The following TDRD9 variants were observed in gnomAD, a reference collection of about 807,000 sequenced individuals.
The protein encoded by TDRD9 is ATP-dependent RNA helicase TDRD9.
Under a neutral mutation model 172.6 loss-of-function variants are expected in TDRD9, and 124 were observed. The observed-to-expected ratio is 0.72, with a 90% confidence interval of 0.62 to 0.83. The LOEUF (loss-of-function observed/expected upper bound fraction) is 0.83. TDRD9 is among the 40% of genes least tolerant of loss of function. TDRD9 has a pLI of 0.00. For missense variants in TDRD9, 1,479 were observed against 1,714.1 expected (o/e 0.86, Z 2.42); for synonymous variants, 619 against 617.1 (o/e 1.00, Z -0.05).
intron 1 of TDRD9, among the ~76,000 whole-genome samples, chr14:103,936,014 T>C (rs1225256503): frequency 6.6e-6 from 1 of 151,928 alleles, no homozygotes; most frequent in African/African-American, 2.4e-5. Context: ...GGGCATTTGG[T>C]GAGTAGATAA....
intron 20 of TDRD9, 57 bp from the exon 21 acceptor site, chr14:104,014,668 A>G: frequency 1.0e-6 from 1 of 976,096 alleles, no homozygotes; most frequent in Non-Finnish European, 1.6e-6. Context: ...TAGTGTTTTC[A>G]CTGCTCTGAT....
chr14:103,983,614 AG>A (rs2033564164), intron 7 of TDRD9, among the ~76,000 whole-genome samples: 1 of 152,242 alleles, frequency 6.6e-6, no homozygotes, highest in African/African-American at 2.4e-5. Flanking sequence ...TCAGAAATTT[AG>A]AGACATCTGT....
intron 29 of TDRD9, among the ~76,000 whole-genome samples, chr14:104,031,748 C>G (rs778139194): frequency 1.4e-5 from 2 of 147,224 alleles, no homozygotes; most frequent in Admixed American, 6.8e-5. Context: ...AGTATTTTCA[C>G]TAAATTGTCA....
chr14:103,960,152 T>G (rs2032440471), intron 2 of TDRD9, among the ~76,000 whole-genome samples: 1 of 152,254 alleles, frequency 6.6e-6, no homozygotes. Flanking sequence ...GAAGATTTAA[T>G]TTTATGGTTA....
intron 1 of TDRD9, chr14:103,941,058 T>C: frequency 6.5e-7 from 1 of 1,535,358 alleles, no homozygotes; most frequent in Non-Finnish European, 8.7e-7. Flanking sequence ...AGATGTAGAC[T>C]ATTTCCCATG....
At chr14:104,049,515 G>A in intron 34 of TDRD9, 93 bp from the exon 35 acceptor site, 1 of 968,606 alleles carries the variant, frequency 1.0e-6, no homozygotes, top group Non-Finnish European at 1.5e-6. Context: ...AATTCTGTGG[G>A]AAGCATATAG....
At chr14:103,961,969 G>T (rs909262413) in intron 2 of TDRD9, among the ~76,000 whole-genome samples, 5 of 152,148 alleles carry the variant, frequency 3.3e-5, no homozygotes, top group Non-Finnish European at 7.4e-5. Context: ...AATGAGTGCG[G>T]TGCTAAATTT....
chr14:103,956,780 A>G (rs1383481164), intron 2 of TDRD9, among the ~76,000 whole-genome samples: 1 of 152,186 alleles, frequency 6.6e-6, no homozygotes, highest in Admixed American at 6.5e-5. Context: ...AACTGTTCAG[A>G]GTTCACCGTT....
chr14:103,987,123 T>TACACACACACAC (rs143714763), intron 8 of TDRD9, among the ~76,000 whole-genome samples: 7 of 145,686 alleles, frequency 4.8e-5, no homozygotes, highest in Non-Finnish European at 9.1e-5. Context: ...AAAAAATATA[T>TACACACACACAC]ACACACACAC....
chr14:103,935,459 A>G (rs146625653), intron 1 of TDRD9, among the ~76,000 whole-genome samples: 2 of 152,324 alleles, frequency 1.3e-5, no homozygotes, highest in East Asian at 3.9e-4. Context: ...CAGGTAAGGA[A>G]GGCGAGACTG....
rs1367458092 is a variant in TDRD9 at position 103,980,166 on chromosome 14, A to G, written c.1011+4613A>G. The stretch of plus-strand genomic sequence containing the variant: ...TTTTCTCCCCGTGTGCAGAGATGAG[A>G]GATTGTAGAAATAAAGACACAAGAC... On this transcript the variant is annotated intron_variant, in intron 7 of 35. Coordinates refer to ENST00000409874, the MANE Select transcript of TDRD9 (RefSeq NM_153046.3). The surrounding 1 kb of genome is among the most constrained non-coding windows in gnomAD (Gnocchi z 4.5). 6.6e-6 allele frequency among the ~76,000 whole-genome samples: 1 copy of G among 152,048 alleles called. No individual in the cohort carries two copies. The highest frequency in any genetic ancestry group is 2.4e-5 in the African/African-American group (1 of 41,384).
rs147310560 is a variant in TDRD9, at chr14:103,948,994, A to G, written c.216-6670A>G. 1.1e-3 allele frequency among the ~76,000 whole-genome samples: 170 copies of G among 152,084 alleles called. 1 individual carries two copies. The highest frequency in any genetic ancestry group is 4.0e-3 in the African/African-American group (165 of 41,502). Reference sequence around the variant, plus strand: ...TCATAGGGCCAGAAAGTAGAATGGTATTTGTTGGTGGCTAGGAATAGAGGG... The same window carrying G: ...TCATAGGGCCAGAAAGTAGAATGGTGTTTGTTGGTGGCTAGGAATAGAGGG... On this transcript the variant is annotated intron_variant, in intron 1 of 35. Coordinates refer to ENST00000409874, the MANE Select transcript of TDRD9 (RefSeq NM_153046.3).
intron 8 of TDRD9, among the ~76,000 whole-genome samples, chr14:103,988,471 G>A (rs1223084699): frequency 6.6e-6 from 1 of 152,054 alleles, no homozygotes; most frequent in Non-Finnish European, 1.5e-5. Context: ...CGCCTGGCCT[G>A]TATTTTTAAA....
chr14:103,928,680 G>T lies in TDRD9; in HGVS notation c.171G>T (p.Pro57=). The T allele has an allele frequency of 8.2e-7, 1 of 1,220,678 alleles. No individual in the cohort carries two copies. Among genetic ancestry groups the T allele is most frequent in the African/African-American group, 1.6e-5 (1 of 62,702 alleles). The allele number at this position is 1,220,678 out of a possible 1,614,324, so 75.6% of individuals were successfully genotyped here. The change falls in exon 1 of 36, where the codon CCG becomes CCT. Residue 57 remains proline, a synonymous_variant. Coordinates refer to ENST00000409874, the MANE Select transcript of TDRD9 (RefSeq NM_153046.3). ...APGAGPAAQA[P]ALAQAPARPA... Reference sequence around the variant, plus strand: ...GCGCTGGTCCCGCGGCCCAGGCTCCGGCTCTGGCCCAAGCTCCGGCCCGGC... The same window carrying T: ...GCGCTGGTCCCGCGGCCCAGGCTCCTGCTCTGGCCCAAGCTCCGGCCCGGC...
intron 1 of TDRD9, among the ~76,000 whole-genome samples, chr14:103,944,065 C>T (rs1043376724): frequency 2.6e-5 from 4 of 152,212 alleles, no homozygotes; most frequent in African/African-American, 9.7e-5. Context: ...TGAATAACCT[C>T]CTTGTTACTG....
chr14:104,052,059 A>G lies in TDRD9; in HGVS notation c.4126A>G (p.Lys1376Glu). The change falls in exon 36 of 36, where the codon AAA becomes GAA. Residue 1376 changes from lysine to glutamate, a missense_variant. By Grantham distance (56) the Lys-to-Glu change is moderately conservative (BLOSUM62 1). This residue lies in a region of TDRD9 where 1,413 missense variants were observed against 1,649.1 expected (regional missense o/e 0.86). Transcript: ENST00000409874. ...GKNTFLYQLH[K>E]LVVLGT The stretch of plus-strand genomic sequence containing the variant: ...GAACACCTTTCTCTACCAGCTCCAC[A>G]AACTGGTTGTGCTCGGCACCTGAGC... The G allele has an allele frequency of 6.3e-7, 1 of 1,582,800 alleles. No individual in the cohort carries two copies. The highest frequency in any genetic ancestry group is 8.6e-7 in the Non-Finnish European group (1 of 1,163,832).
chr14:103,938,428 A>T (rs1566723194), intron 1 of TDRD9, among the ~76,000 whole-genome samples: 5 of 43,464 alleles, frequency 1.2e-4, no homozygotes, highest in African/African-American at 3.9e-4. Flanking sequence ...ATATATATAT[A>T]TATATATATA....
Position 104,052,419 on chromosome 14 carries a change from T to G in TDRD9, c.*337T>G, listed in dbSNP as rs535441263. ...GTAAATATAAGTAGTTAATCTTAGA[T>G]GTAAGGTTCCAGAATGTGCTTACAT... On this transcript the variant is annotated 3_prime_UTR_variant, in exon 36 of 36. Transcript: ENST00000409874. 2 of 173,872 alleles carry G rather than the reference T, an allele frequency of 1.2e-5. No homozygotes were observed. The highest frequency in any genetic ancestry group is 4.7e-5 in the African/African-American group (2 of 42,252). 10.8% of individuals were successfully genotyped at this position (173,872 alleles called of 1,614,324 possible).
chr14:103,993,883 G>T (rs1194416739), intron 9 of TDRD9, among the ~76,000 whole-genome samples: 6 of 152,310 alleles, frequency 3.9e-5, no homozygotes, highest in Admixed American at 3.3e-4. Context: ...TTGAGAATCA[G>T]GATGAGGCAA....
Sources: allele counts gnomAD v4.1 joint callset (sites outside exome capture counted in the v4.1 genomes callset), GRCh38; gene constraint gnomAD v4.1.1; regional missense constraint gnomAD v4.1.1; non-coding constraint Gnocchi (gnomAD v3.1); transcripts MANE v1.5; gene names NCBI Gene and HGNC (gene_info 2026-07-23, HGNC 2026-07-21).